Variants in GARNL3 observed in about 807,000 individuals in gnomAD.
GARNL3 encodes GTPase-activating Rap/Ran-GAP domain-like protein 3.
Under a neutral mutation model 125.0 loss-of-function variants are expected in GARNL3, and 63 were observed. The ratio of observed to expected loss-of-function variants is 0.50; its 90% CI spans 0.41 to 0.62. The LOEUF (loss-of-function observed/expected upper bound fraction) is 0.62. Among genes scored for constraint, GARNL3 ranks in the 20% least tolerant of loss-of-function variants. The pLI, the probability that GARNL3 is intolerant of heterozygous loss-of-function variation, is 0.00. For missense variants in GARNL3, 994 were observed against 1,244.0 expected, an observed-to-expected ratio of 0.80 and a Z score of 3.02; for synonymous variants, 439 against 457.5, an observed-to-expected ratio of 0.96 and a Z score of 0.52.
rs78092830 is a variant in GARNL3, at chr9:127,237,259, C to T, written c.-28-5820C>T. On this transcript the variant is annotated intron_variant, in intron 1 of 10. Coordinates refer to the GARNL3 transcript ENST00000439286. ...CCATGCTGCCGACTCTGCCTGGATCCCCAGAGCCACCACTGCTACTTCAGA... is the reference window on the plus strand; with the variant it reads ...CCATGCTGCCGACTCTGCCTGGATCTCCAGAGCCACCACTGCTACTTCAGA... Among the ~76,000 whole-genome samples the T allele has an allele frequency of 1.5e-3, 229 of 152,300 alleles. 5 individuals carry two copies. The East Asian group carries it at 0.042, about 28-fold the overall frequency.
chr9:127,389,659 C>T lies in GARNL3; in HGVS notation c.2743+540C>T, dbSNP rs182086320. 2.4e-3 allele frequency among the ~76,000 whole-genome samples: 365 copies of T among 152,210 alleles called. 1 individual carries two copies. The highest frequency in any genetic ancestry group is 8.2e-3 in the African/African-American group (342 of 41,522). On this transcript the variant is annotated intron_variant, in intron 26 of 27. Coordinates refer to ENST00000373387, the MANE Select transcript of GARNL3 (RefSeq NM_032293.5). The stretch of plus-strand genomic sequence containing the variant: ...TATAACTATGGGACTGGGCTCACAC[C>T]TGTTATCTCAGCATTTTGGGAGAGG...
intron 2 of GARNL3, among the ~76,000 whole-genome samples, chr9:127,258,387 C>T (rs1009516347): frequency 2.0e-5 from 3 of 152,142 alleles, no homozygotes; most frequent in African/African-American, 7.2e-5. Flanking sequence ...CGCCTGTAAT[C>T]CCAACACTTT....
intron 7 of GARNL3, among the ~76,000 whole-genome samples, chr9:127,327,993 A>G (rs1335382850): frequency 6.6e-6 from 1 of 152,188 alleles, no homozygotes; most frequent in Non-Finnish European, 1.5e-5. Context: ...TTGAGCACCC[A>G]CTGAGTGCAT....
chr9:127,390,950 C>G (rs1832791342), intron 27 of GARNL3, among the ~76,000 whole-genome samples, 183 bp downstream of exon 27: 1 of 152,190 alleles, frequency 6.6e-6, no homozygotes, highest in Non-Finnish European at 1.5e-5. Flanking sequence ...GGGATCTAGA[C>G]AAATGGGCAC....
chr9:127,360,509 T>A (rs10819278), intron 21 of GARNL3, among the ~76,000 whole-genome samples: 58,693 of 151,894 alleles, frequency 0.39, 11,663 homozygotes, highest in Middle Eastern at 0.47. Flanking sequence ...GTACTGTCTG[T>A]CTGGGGAGAT....
Position 127,313,538 on chromosome 9 carries a change from T to G in GARNL3, c.417T>G (p.Arg139=). ...DQNNQRVPQY[R]AILWRKTGTQ... Reference sequence around the variant, plus strand: ...ACAATCAACGTGTCCCTCAATACCGTGCAATTCTTTGGAGAAAAACAGTAA... The same window carrying G: ...ACAATCAACGTGTCCCTCAATACCGGGCAATTCTTTGGAGAAAAACAGTAA... The change falls in exon 4 of 28, where the codon CGT becomes CGG. Residue 139 remains arginine, a synonymous_variant. Coordinates refer to ENST00000373387, the MANE Select transcript of GARNL3 (RefSeq NM_032293.5). 26 of 1,613,310 alleles carry G rather than the reference T, an allele frequency of 1.6e-5. No homozygotes were observed. The highest frequency in any genetic ancestry group is 2.2e-5 in the Non-Finnish European group (26 of 1,179,226).
At chr9:127,360,109 C>T (rs2131696111) in intron 21 of GARNL3, among the ~76,000 whole-genome samples, 1 of 152,276 alleles carries the variant, frequency 6.6e-6, no homozygotes, top group African/African-American at 2.4e-5. Flanking sequence ...CAACCTCTGA[C>T]TCCCTGGTTC....
rs766937170 is a variant in GARNL3, at chr9:127,385,526, A to C, written c.2388+381A>C. ...TCTTCCTTTCCCACCCTCTATCCTC[A>C]GTTTGAATTCTTAGCCTATGAAACA... is the stretch of plus-strand genomic sequence containing the variant. On this transcript the variant is annotated intron_variant, in intron 24 of 27. Transcript: ENST00000373387. This position sits in a 1 kb window ranked among gnomAD's most constrained non-coding sequence, Gnocchi z 4.1. Among the ~76,000 whole-genome samples, 63 of 152,174 alleles carry C rather than the reference A, an allele frequency of 4.1e-4. No individual in the cohort carries two copies. Among genetic ancestry groups the C allele is most frequent in the Non-Finnish European group, 7.8e-4 (53 of 68,030 alleles).
At chr9:127,354,258 A>G in intron 18 of GARNL3, 36 bp from the exon 19 acceptor site, 1 of 1,537,772 alleles carries the variant, frequency 6.5e-7, no homozygotes, top group South Asian at 1.1e-5. Context: ...TTACTTTTCC[A>G]TTTAATCTCC....
chr9:127,279,226 T>G (rs945064490), intron 1 of GARNL3, among the ~76,000 whole-genome samples: 2 of 152,138 alleles, frequency 1.3e-5, no homozygotes, highest in Non-Finnish European at 2.9e-5. Context: ...ATTTTTTACA[T>G]GTTTTCCATA....
At chr9:127,357,950 C>T (rs181286989) in intron 21 of GARNL3, among the ~76,000 whole-genome samples, 2 of 152,214 alleles carry the variant, frequency 1.3e-5, no homozygotes, top group Admixed American at 6.5e-5. Context: ...GGGTACTGCA[C>T]CCTCCCTACC....
chr9:127,256,254 G>A (rs1201963123), intron 2 of GARNL3, among the ~76,000 whole-genome samples: 17 of 152,098 alleles, frequency 1.1e-4, no homozygotes. Flanking sequence ...AGAAAGGAGG[G>A]AGCAGGTGTG....
At chr9:127,301,925 C>CTTTTTTTTTT (rs754780368) in intron 2 of GARNL3, among the ~76,000 whole-genome samples, 2 of 45,436 alleles carry the variant, frequency 4.4e-5, no homozygotes, top group East Asian at 7.9e-4. Context: ...ATTGGGAGGA[C>CTTTTTTTTTT]TTTTTTTTTT....
intron 15 of GARNL3, among the ~76,000 whole-genome samples, chr9:127,344,602 C>T (rs925634752): frequency 5.3e-5 from 8 of 152,146 alleles, no homozygotes; most frequent in Admixed American, 2.0e-4. Context: ...CAGCTCTGGG[C>T]CCCCCTCTTC....
At chr9:127,261,702 C>T (rs994102156), upstream of GARNL3, among the ~76,000 whole-genome samples, 3 of 152,098 alleles carry the variant, frequency 2.0e-5, no homozygotes, top group African/African-American at 7.2e-5. Context: ...CGTGAGCCAC[C>T]GCGCCCGGCC....
At chr9:127,236,718 G>T (rs934974827) in intron 1 of GARNL3, among the ~76,000 whole-genome samples, 7 of 152,184 alleles carry the variant, frequency 4.6e-5, no homozygotes, top group Non-Finnish European at 1.0e-4. Flanking sequence ...GCCTCCACAC[G>T]ACCCTAGTGT....
intron 2 of GARNL3, among the ~76,000 whole-genome samples, chr9:127,257,601 C>A (rs1347463008): frequency 6.6e-6 from 1 of 152,014 alleles, no homozygotes; most frequent in Admixed American, 6.6e-5. Context: ...GTGGACACAC[C>A]GATTCTGTAG....
chr9:127,282,427 C>A (rs1480933651), intron 1 of GARNL3, among the ~76,000 whole-genome samples: 2 of 152,144 alleles, frequency 1.3e-5, no homozygotes, highest in Non-Finnish European at 2.9e-5. Context: ...ATTAAATCCT[C>A]ACCACAAGCC....
chr9:127,385,956 T>C lies in GARNL3; in HGVS notation c.2388+811T>C, dbSNP rs1207830581. On this transcript the variant is annotated intron_variant, in intron 24 of 27. Transcript: ENST00000373387. This position sits in a 1 kb window ranked among gnomAD's most constrained non-coding sequence, Gnocchi z 4.1. ...CACATATGTGCATATATGTATGATA[T>C]GTGTACATATCTGCATGTATGTATC... Among the ~76,000 whole-genome samples, 3 of 152,278 alleles carry C rather than the reference T, an allele frequency of 2.0e-5. No homozygotes were observed. Among genetic ancestry groups the C allele is most frequent in the Non-Finnish European group, 2.9e-5 (2 of 68,050 alleles).
Sources: allele counts gnomAD v4.1 joint callset (sites outside exome capture counted in the v4.1 genomes callset), GRCh38; gene constraint gnomAD v4.1.1; non-coding constraint Gnocchi (gnomAD v3.1); transcripts MANE v1.5; gene names NCBI Gene and HGNC (gene_info 2026-07-23, HGNC 2026-07-21).